Variants in TCEA1 observed in about 807,000 individuals in gnomAD.
TCEA1 encodes the protein transcription elongation factor A1, also known as transcription elongation factor A protein 1.
Under a neutral mutation model 43.8 loss-of-function variants are expected in TCEA1, and 21 were observed. The ratio of observed to expected loss-of-function variants is 0.48; its 90% CI spans 0.34 to 0.69. The LOEUF is 0.69. TCEA1 is among the 30% of genes least tolerant of loss of function. The pLI is 0.01. For synonymous variants in TCEA1, 104 were observed against 117.5 expected, an observed-to-expected ratio of 0.88 and a Z score of 0.75; for missense variants, 250 against 365.1, an observed-to-expected ratio of 0.68 and a Z score of 2.57.
intron 7 of TCEA1, among the ~76,000 whole-genome samples, chr8:53,982,613 CAAAAAAAA>C (rs558788906): frequency 1.7e-5 from 1 of 57,804 alleles, no homozygotes; most frequent in Non-Finnish European, 3.5e-5. Flanking sequence ...CATTCCCCAC[CAAAAAAAA>C]AAAAAAAAAA....
In TCEA1 at chr8:53,995,311, A is replaced by AAG. The variant is rs1554531595; in HGVS notation, c.233-1557_233-1556insCT. Among the ~76,000 whole-genome samples the AAG allele has an allele frequency of 1.4e-4, 21 of 148,626 alleles. 1 individual carries two copies. Among genetic ancestry groups the AAG allele is most frequent in the African/African-American group, 5.0e-4 (20 of 40,164 alleles). ...CTCTGTCTCAAAAAAAAAAAAAAAA[A>AAG]AAAAGAAAAATTCAGTGCATGCCTG... On this transcript the variant is annotated intron_variant, in intron 3 of 9. Coordinates refer to ENST00000521604, the MANE Select transcript of TCEA1 (RefSeq NM_006756.4).
rs1803753800 is a variant in TCEA1, at chr8:53,988,185, C to T, written c.395G>A (p.Arg132Gln). The change falls in exon 5 of 10, where the codon CGG becomes CAG. Residue 132 changes from arginine to glutamine, a missense_variant. Transcript: ENST00000521604. Reference sequence around the variant, plus strand: ...CACAGAATCAGAAGTGCTTGGTGCCCGAGGAAAGGATGAAACATAAGTATC... The same window carrying T: ...CACAGAATCAGAAGTGCTTGGTGCCTGAGGAAAGGATGAAACATAAGTATC... ...ARDTYVSSFP[R>Q]APSTSDSVRL... The T allele has an allele frequency of 2.5e-6, 4 of 1,612,598 alleles. No individual in the cohort carries two copies. The highest frequency in any genetic ancestry group is 1.3e-5 in the African/African-American group (1 of 74,830).
chr8:53,978,914 C>T (rs1803422567), intron 8 of TCEA1, 111 bp downstream of exon 8: 2 of 1,298,908 alleles, frequency 1.5e-6, no homozygotes, highest in Non-Finnish European at 2.1e-6. Flanking sequence ...ACATATCCCT[C>T]CATGGATAAG....
chr8:54,005,663 T>C (rs6473902), intron 2 of TCEA1, among the ~76,000 whole-genome samples: 19,341 of 152,170 alleles, frequency 0.13, 3,197 homozygotes, highest in African/African-American at 0.39. Flanking sequence ...CCAATCCTTA[T>C]AGGCTGTCTT....
intron 3 of TCEA1, among the ~76,000 whole-genome samples, chr8:53,995,020 G>A (rs1347732906): frequency 2.0e-5 from 3 of 152,098 alleles, no homozygotes; most frequent in Non-Finnish European, 4.4e-5. Context: ...CCTGCCTGGG[G>A]TCAAATGTGG....
Position 53,968,035 on chromosome 8 carries a change from G to A in TCEA1, c.*69C>T. 7.3e-7 allele frequency: 1 copy of A among 1,375,940 alleles called. No homozygotes were observed. Among genetic ancestry groups the A allele is most frequent in the Non-Finnish European group, 9.9e-7 (1 of 1,007,362 alleles). 85.2% of individuals were successfully genotyped at this position (1,375,940 alleles called of 1,614,324 possible). Reference sequence around the variant, plus strand: ...TGATTTGCAGGAAAACTAGTTGCTTGGCCTAGTTTAAAGCTAGTTACAAAA... The same window carrying A: ...TGATTTGCAGGAAAACTAGTTGCTTAGCCTAGTTTAAAGCTAGTTACAAAA... On this transcript the variant is annotated 3_prime_UTR_variant, in exon 10 of 10. Coordinates refer to ENST00000521604, the MANE Select transcript of TCEA1 (RefSeq NM_006756.4).
At position 54,022,106 on chromosome 8, in the gene TCEA1, C is replaced by A. The variant is rs1459863450; in HGVS notation, c.20G>T (p.Arg7Leu). MEDEVV[R>L]FAKKMDKMVQ... ...CATCTTGTCCATCTTCTTGGCAAAG[C>A]GGACCACTTCGTCCTCCATGGCTCC... The change falls in exon 1 of 10, where the codon CGC becomes CTC. Residue 7 changes from arginine (R) to leucine (L), a missense_variant. By Grantham distance (102) the Arg-to-Leu change is moderately radical. Transcript: ENST00000521604. 1 of 1,603,078 alleles carries A rather than the reference C, an allele frequency of 6.2e-7. No individual in the cohort carries two copies. The highest frequency in any genetic ancestry group is 2.3e-5 in the East Asian group (1 of 44,044).
chr8:53,982,335 C>T (rs1249998052), intron 7 of TCEA1, among the ~76,000 whole-genome samples: 3 of 152,024 alleles, frequency 2.0e-5, no homozygotes, highest in African/African-American at 7.2e-5. Flanking sequence ...GGGCCAGGCA[C>T]GGTGGCTCAC....
intron 4 of TCEA1, 36 bp from the exon 5 acceptor site, chr8:53,988,295 G>T: frequency 6.3e-7 from 1 of 1,595,238 alleles, no homozygotes; most frequent in East Asian, 2.2e-5. Context: ...AAGAAATCAA[G>T]AACAATCCTT....
chr8:54,008,978 T>C (rs1429122536), intron 2 of TCEA1, among the ~76,000 whole-genome samples: 2 of 151,446 alleles, frequency 1.3e-5, no homozygotes, highest in Non-Finnish European at 2.9e-5. Context: ...GCCTCCTAAA[T>C]AGCTGGGACT....
chr8:54,011,789 C>G (rs573783662), intron 1 of TCEA1, among the ~76,000 whole-genome samples: 1 of 152,294 alleles, frequency 6.6e-6, no homozygotes, highest in Admixed American at 6.5e-5. Context: ...AGGTGACAGA[C>G]ATTAGGCTTG....
intron 2 of TCEA1, among the ~76,000 whole-genome samples, chr8:54,003,927 T>C (rs1440444115): frequency 6.6e-6 from 1 of 150,928 alleles, no homozygotes; most frequent in Non-Finnish European, 1.5e-5. Flanking sequence ...AAAGAACTAT[T>C]ACAACTCGAT....
In TCEA1 at chr8:54,022,184, G is replaced by C; in HGVS notation, c.-59C>G. ...TGGCAAGGGGAAGTGGGCGAAGCTGGAGCGGAAGACACAGCAGGAGCGACC... is the reference window on the plus strand; with the variant it reads ...TGGCAAGGGGAAGTGGGCGAAGCTGCAGCGGAAGACACAGCAGGAGCGACC... On this transcript the variant is annotated 5_prime_UTR_variant, in exon 1 of 10. Transcript: ENST00000521604. 6.4e-7 allele frequency: 1 copy of C among 1,561,910 alleles called. No homozygotes were observed. The highest frequency in any genetic ancestry group is 8.8e-7 in the Non-Finnish European group (1 of 1,139,896).
chr8:53,982,216 T>C (rs1182753910), intron 7 of TCEA1, among the ~76,000 whole-genome samples: 4 of 152,066 alleles, frequency 2.6e-5, no homozygotes, highest in African/African-American at 9.7e-5. Flanking sequence ...AGTGATTCAT[T>C]GAGAAGAGGT....
chr8:53,982,596 G>A (rs1316322242), intron 7 of TCEA1, among the ~76,000 whole-genome samples: 2 of 105,168 alleles, frequency 1.9e-5, no homozygotes, highest in South Asian at 3.3e-4. Flanking sequence ...CGACAACAGT[G>A]AAACTCCATT....
intron 1 of TCEA1, among the ~76,000 whole-genome samples, chr8:54,013,693 A>C (rs1339191642): frequency 4.1e-5 from 6 of 147,964 alleles, no homozygotes; most frequent in Non-Finnish European, 8.9e-5. Context: ...AAAAAAAAAA[A>C]AAAAAAAAAC....
At chr8:53,983,194 ACT>A (rs1803570846) in intron 7 of TCEA1, among the ~76,000 whole-genome samples, 1 of 152,222 alleles carries the variant, frequency 6.6e-6, no homozygotes, top group African/African-American at 2.4e-5. Context: ...TAAGGTGTAC[ACT>A]GTTTTCTTAG....
intron 2 of TCEA1, among the ~76,000 whole-genome samples, chr8:54,003,896 C>T (rs1417287586): frequency 6.7e-6 from 1 of 148,706 alleles, no homozygotes; most frequent in Admixed American, 6.7e-5. Context: ...GTCTGATAAG[C>T]GACTTGTATT....
At chr8:53,994,402 A>C (rs907512394) in intron 3 of TCEA1, among the ~76,000 whole-genome samples, 1 of 152,222 alleles carries the variant, frequency 6.6e-6, no homozygotes, top group Non-Finnish European at 1.5e-5. Flanking sequence ...GTTTTTAATA[A>C]ATTTCCATAA....
Sources: gnomAD v4.1 joint callset for allele counts (sites outside exome capture counted in the v4.1 genomes callset) on GRCh38, gnomAD v4.1.1 for gene constraint, MANE v1.5 for transcripts, NCBI Gene and HGNC (gene_info 2026-07-23, HGNC 2026-07-21) for gene names.